Variants in RAD54B observed in about 807,000 individuals in gnomAD.
RAD54B encodes RAD54 homolog B.
Under a neutral mutation model 95.8 loss-of-function variants are expected in RAD54B, and 78 were observed. The observed-to-expected ratio is 0.81, with a 90% CI of 0.68 to 0.98. The LOEUF is 0.98. Among genes scored for constraint, RAD54B ranks in the 50% least tolerant of loss-of-function variants. The probability of loss-of-function intolerance (pLI) is 0.00; values close to 1 mark genes in which losing one functional copy is unlikely to be tolerated. For synonymous variants in RAD54B, 328 were observed against 354.9 expected (o/e 0.92, Z 0.85); for missense variants, 957 against 1,056.6 (o/e 0.91, Z 1.31).
chr8:94,415,399 A>G (rs1278270598), intron 3 of RAD54B, among the ~76,000 whole-genome samples: 1 of 151,322 alleles, frequency 6.6e-6, no homozygotes, highest in African/African-American at 2.4e-5. Context: ...CGTTAGATCT[A>G]AAACCATAAA....
chr8:94,382,166 T>C (rs1586121174), intron 11 of RAD54B, among the ~76,000 whole-genome samples: 1 of 150,604 alleles, frequency 6.6e-6, no homozygotes, highest in East Asian at 1.9e-4. Context: ...ACATGGAGTC[T>C]TCAGATAAAA....
intron 3 of RAD54B, chr8:94,432,522 G>A (rs1429459162): frequency 1.3e-6 from 2 of 1,550,598 alleles, no homozygotes; most frequent in African/African-American, 2.7e-5. Context: ...ACTCTGTTGA[G>A]AATTTAAAAC....
intron 3 of RAD54B, among the ~76,000 whole-genome samples, chr8:94,454,370 A>C (rs1812734331): frequency 6.6e-6 from 1 of 152,198 alleles, no homozygotes; most frequent in South Asian, 2.1e-4. Flanking sequence ...CAACATTGTA[A>C]ATATGCTAAA....
chr8:94,420,707 G>A (rs986965569), intron 3 of RAD54B, among the ~76,000 whole-genome samples: 6 of 151,880 alleles, frequency 4.0e-5, no homozygotes, highest in African/African-American at 1.2e-4. Flanking sequence ...GTTTTTGGCC[G>A]TGCGCGGTGG....
Position 94,378,276 on chromosome 8 carries a change from C to T in RAD54B, c.2419G>A (p.Glu807Lys). Residue 807 changes from glutamate to lysine, a missense_variant, in exon 14 of 15, where the codon GAA (glutamate) becomes AAA (lysine). Glu to Lys is a moderately conservative substitution (Grantham distance 56). Coordinates refer to ENST00000336148, the MANE Select transcript of RAD54B (RefSeq NM_012415.3). ...AATGTGAACAAATTTTTAAGTTCTT[C>T]TACTGAAAACTGAATATGTTCAGAT... ...KTSEHIQFSV[E>K]ELKNLFTLHE... 1.2e-6 allele frequency: 2 copies of T among 1,613,572 alleles called. No homozygotes were observed. Among genetic ancestry groups the T allele is most frequent in the Non-Finnish European group, 1.7e-6 (2 of 1,179,758 alleles).
chr8:94,469,567 A>G (rs1282489706), intron 1 of RAD54B, among the ~76,000 whole-genome samples: 1 of 152,252 alleles, frequency 6.6e-6, no homozygotes, highest in African/African-American at 2.4e-5. Context: ...TACTATAAGC[A>G]TGATATCTTC....
chr8:94,441,819 C>T (rs2130135699), intron 3 of RAD54B, among the ~76,000 whole-genome samples: 1 of 152,296 alleles, frequency 6.6e-6, no homozygotes, highest in African/African-American at 2.4e-5. Context: ...ATCACTAGCA[C>T]ACAAACAGAC....
intron 3 of RAD54B, chr8:94,432,486 T>C (rs536357242): frequency 1.9e-4 from 288 of 1,550,492 alleles, no homozygotes; most frequent in Non-Finnish European, 2.3e-4. Flanking sequence ...TACTAATTCA[T>C]GTTCTTCTCT....
At chr8:94,455,924 T>A (rs1231387368) in intron 3 of RAD54B, among the ~76,000 whole-genome samples, 1 of 152,198 alleles carries the variant, frequency 6.6e-6, no homozygotes. Context: ...AAGACCCTAT[T>A]TCCAAATAAG....
rs150058552 is a variant in RAD54B, at chr8:94,455,992, T to C, written c.304+2276A>G. ...TAACATATATCTTTAGGAGACACAA[T>C]TGAAGCCACTACATTTCCCCTCTCC... is the stretch of plus-strand genomic sequence containing the variant. On this transcript the variant is annotated intron_variant, in intron 3 of 14. Transcript: ENST00000336148. Among the ~76,000 whole-genome samples, 176 of 152,320 alleles carry C rather than the reference T, an allele frequency of 1.2e-3. 3 individuals carry two copies. In the South Asian group the frequency reaches 0.02, roughly 17 times the overall value.
intron 3 of RAD54B, among the ~76,000 whole-genome samples, chr8:94,420,982 C>T (rs1470402294): frequency 6.9e-6 from 1 of 145,712 alleles, no homozygotes; most frequent in Non-Finnish European, 1.5e-5. Flanking sequence ...GAGACTCAGT[C>T]TCAAAAAAAA....
intron 9 of RAD54B, 41 bp downstream of exon 9, chr8:94,393,702 A>G: frequency 6.7e-7 from 1 of 1,498,236 alleles, no homozygotes; most frequent in South Asian, 1.2e-5. Context: ...TTCCTCAGAC[A>G]TACGGCTTTT....
At chr8:94,417,726 A>G (rs1029968618) in intron 3 of RAD54B, among the ~76,000 whole-genome samples, 1 of 152,174 alleles carries the variant, frequency 6.6e-6, no homozygotes, top group African/African-American at 2.4e-5. Flanking sequence ...AAACTTGTAC[A>G]TCTCCAAGCC....
chr8:94,463,467 G>C (rs757563465), intron 2 of RAD54B, among the ~76,000 whole-genome samples: 23 of 152,056 alleles, frequency 1.5e-4, no homozygotes, highest in Non-Finnish European at 3.2e-4. Context: ...TTCATACATT[G>C]ATGGTAAGAA....
chr8:94,392,733 G>C (rs1323842917), intron 9 of RAD54B, among the ~76,000 whole-genome samples: 1 of 144,612 alleles, frequency 6.9e-6, no homozygotes, highest in Non-Finnish European at 1.5e-5. Flanking sequence ...AAGTAGCTGG[G>C]ACCACAGGTA....
rs187391139 is a variant in RAD54B, at chr8:94,372,776, T to C, written c.2516-389A>G. Among the ~76,000 whole-genome samples, 444 of 152,272 alleles carry C rather than the reference T, an allele frequency of 2.9e-3. 2 individuals are homozygous for C. Among genetic ancestry groups the C allele is most frequent in the African/African-American group, 9.9e-3 (413 of 41,556 alleles). ...CTGGGTCAGCATTCCATAATGAAAC[T>C]CATTAACATTCTGTAGCAAGTCATA... On this transcript the variant is annotated intron_variant, in intron 14 of 14. Coordinates refer to ENST00000336148, the MANE Select transcript of RAD54B (RefSeq NM_012415.3).
chr8:94,450,368 A>C (rs1472458049), intron 3 of RAD54B, among the ~76,000 whole-genome samples: 1 of 152,200 alleles, frequency 6.6e-6, no homozygotes. Context: ...TGAAACAGCA[A>C]ATCTTGCAAA....
chr8:94,438,035 A>G (rs774801529), intron 3 of RAD54B, among the ~76,000 whole-genome samples: 1 of 152,244 alleles, frequency 6.6e-6, no homozygotes, highest in African/African-American at 2.4e-5. Flanking sequence ...ATTAAGAGGT[A>G]GGAAAAATAA....
chr8:94,437,078 G>C (rs973919320), intron 3 of RAD54B: 5 of 923,334 alleles, frequency 5.4e-6, no homozygotes, highest in Non-Finnish European at 7.3e-6. Flanking sequence ...CCTACATAAA[G>C]CTTCTCACTG....
Sources: gnomAD v4.1 joint callset for allele counts (sites outside exome capture counted in the v4.1 genomes callset) on GRCh38, gnomAD v4.1.1 for gene constraint, MANE v1.5 for transcripts, NCBI Gene and HGNC (gene_info 2026-07-23, HGNC 2026-07-21) for gene names.